CYP2J2: variants seen among roughly 807,000 people sequenced by gnomAD.
CYP2J2 encodes cytochrome P450 2J2.
A neutral mutation model predicts 48.8 loss-of-function variants in CYP2J2; 41 were observed. The ratio of observed to expected loss-of-function variants is 0.84; its 90% CI spans 0.66 to 1.09. The LOEUF is 1.09. CYP2J2 is among the 50% of genes least tolerant of loss of function. CYP2J2 has a pLI of 0.00. For missense variants in CYP2J2, 644 were observed against 617.3 expected, an observed-to-expected ratio of 1.04 and a Z score of -0.46; for synonymous variants, 221 against 227.1, an observed-to-expected ratio of 0.97 and a Z score of 0.24.
At chr1:59,916,215 G>GT (rs1559077677) in intron 1 of CYP2J2, 115 bp from the exon 2 acceptor site, 7 of 757,548 alleles carry the variant, frequency 9.2e-6, no homozygotes, top group Non-Finnish European at 6.4e-6. Flanking sequence ...GTCTGTGTCT[G>GT]TGTGTGTACG....
the CYP2J2 span, among the ~76,000 whole-genome samples, chr1:59,962,434 G>A: frequency 2.0e-5 from 3 of 151,984 alleles, no homozygotes; most frequent in African/African-American, 7.2e-5. Context: ...TGACTCCAGG[G>A]GGAAAAAAAT....
intron 1 of CYP2J2, among the ~76,000 whole-genome samples, chr1:59,922,977 T>C (rs1424795350): frequency 1.3e-5 from 2 of 152,210 alleles, no homozygotes; most frequent in African/African-American, 2.4e-5. Context: ...GTGAGCTGAA[T>C]TGCGACTTCT....
the CYP2J2 span, among the ~76,000 whole-genome samples, chr1:59,967,452 A>C: frequency 2.6e-5 from 4 of 152,362 alleles, no homozygotes; most frequent in East Asian, 7.7e-4. Context: ...TACCACAAGC[A>C]GCAGGGACAG....
intron 1 of CYP2J2, among the ~76,000 whole-genome samples, chr1:59,922,466 A>G (rs977454999): frequency 6.6e-6 from 1 of 152,224 alleles, no homozygotes; most frequent in African/African-American, 2.4e-5. Flanking sequence ...CATTTGTTTT[A>G]CACCCAGAAA....
chr1:59,895,253 T>G (rs752613848), intron 8 of CYP2J2, among the ~76,000 whole-genome samples: 10 of 152,204 alleles, frequency 6.6e-5, no homozygotes, highest in Non-Finnish European at 1.0e-4. Flanking sequence ...GTCGCCTTAG[T>G]TCTTCAGTCT....
intron 7 of CYP2J2, among the ~76,000 whole-genome samples, chr1:59,901,438 C>T (rs905823761): frequency 1.3e-5 from 2 of 152,196 alleles, no homozygotes; most frequent in Non-Finnish European, 1.5e-5. Flanking sequence ...AATAATCCAA[C>T]AGTCAGTCTG....
intron 1 of CYP2J2, among the ~76,000 whole-genome samples, chr1:59,917,264 G>A (rs1405508593): frequency 6.6e-6 from 1 of 152,190 alleles, no homozygotes; most frequent in African/African-American, 2.4e-5. Flanking sequence ...AAAGAGCTCT[G>A]TGTGCAGAGG....
chr1:59,896,811 G>A (rs1284043484), intron 8 of CYP2J2, among the ~76,000 whole-genome samples: 1 of 152,128 alleles, frequency 6.6e-6, no homozygotes, highest in Non-Finnish European at 1.5e-5. Context: ...ACCATAAAAT[G>A]TTTGTAATCC....
the CYP2J2 span, among the ~76,000 whole-genome samples, chr1:59,967,965 T>C: frequency 3.9e-5 from 6 of 152,196 alleles, no homozygotes; most frequent in Non-Finnish European, 7.3e-5. Context: ...CTCACATTTT[T>C]CCAGTAAGTC....
In CYP2J2 at chr1:59,901,347, C is replaced by T. The variant is rs899092724; in HGVS notation, c.1192-244G>A. 2.0e-5 allele frequency among the ~76,000 whole-genome samples: 3 copies of T among 152,294 alleles called. No individual in the cohort carries two copies. The South Asian group carries it at 6.2e-4, about 32-fold the overall frequency. ...AACAAGGATGTCTGGCTACTCTTGA[C>T]TGCAGGATCGAGCTTCCTTACAGGG... On this transcript the variant is annotated intron_variant, in intron 7 of 8. Coordinates refer to ENST00000371204, the MANE Select transcript of CYP2J2 (RefSeq NM_000775.4).
At position 59,893,836 on chromosome 1, in the gene CYP2J2, G is replaced by A; in HGVS notation, c.1331-7C>T. 1 of 1,594,226 alleles carries A rather than the reference G, an allele frequency of 6.3e-7. No homozygotes were observed. The highest frequency in any genetic ancestry group is 2.2e-5 in the East Asian group (1 of 44,538). ...CCGAGGCATGCCCGCTTTCCTGTAA[G>A]ACAAAATCAAAAGACGGGTTATCTT... On this transcript the variant is annotated splice_region_variant and splice_polypyrimidine_tract_variant and intron_variant, in intron 8 of 8. Transcript: ENST00000371204.
the CYP2J2 span, among the ~76,000 whole-genome samples, chr1:59,951,227 G>A: frequency 1.3e-5 from 2 of 152,278 alleles, no homozygotes; most frequent in Admixed American, 1.3e-4. Context: ...CAGTGTTCAT[G>A]TTCTTTACCT....
chr1:59,938,597 A>C, the CYP2J2 span, among the ~76,000 whole-genome samples: 1 of 152,204 alleles, frequency 6.6e-6, no homozygotes, highest in African/African-American at 2.4e-5. Flanking sequence ...CTCCTATCTC[A>C]GAATTGAACA....
chr1:59,930,984 TCTGG>T, upstream of CYP2J2, among the ~76,000 whole-genome samples: 1 of 152,162 alleles, frequency 6.6e-6, no homozygotes, highest in Non-Finnish European at 1.5e-5. Flanking sequence ...TGTAAATATG[TCTGG>T]TTTCCAGTCC....
At chr1:59,968,898 G>A in the CYP2J2 span, among the ~76,000 whole-genome samples, 3 of 152,196 alleles carry the variant, frequency 2.0e-5, no homozygotes, top group African/African-American at 7.2e-5. Flanking sequence ...TGGCGCACCT[G>A]GAGTTTGTTC....
At chr1:59,956,922 A>G in the CYP2J2 span, among the ~76,000 whole-genome samples, 1 of 152,074 alleles carries the variant, frequency 6.6e-6, no homozygotes, top group African/African-American at 2.4e-5. Context: ...GCCACCATGT[A>G]AGAGGCCCTA....
chr1:59,927,716 G>A (rs944792867), upstream of CYP2J2, among the ~76,000 whole-genome samples: 11 of 152,144 alleles, frequency 7.2e-5, no homozygotes, highest in African/African-American at 2.7e-4. Flanking sequence ...GGGACTACAG[G>A]CACATGCCAC....
chr1:59,962,443 A>T, the CYP2J2 span, among the ~76,000 whole-genome samples: 1 of 152,294 alleles, frequency 6.6e-6, no homozygotes, highest in East Asian at 1.9e-4. Flanking sequence ...GGGGAAAAAA[A>T]TTCTTTTGGT....
chr1:59,968,541 CAGA>C, the CYP2J2 span, among the ~76,000 whole-genome samples: 2 of 152,030 alleles, frequency 1.3e-5, no homozygotes, highest in African/African-American at 4.8e-5. Flanking sequence ...GCTCATACTC[CAGA>C]AGATTTCTCC....
Sources: gnomAD v4.1 joint callset for allele counts (sites outside exome capture counted in the v4.1 genomes callset) on GRCh38, gnomAD v4.1.1 for gene constraint, MANE v1.5 for transcripts, NCBI Gene and HGNC (gene_info 2026-07-23, HGNC 2026-07-21) for gene names.